GLE1: variants seen among roughly 807,000 people sequenced by gnomAD.
The protein encoded by GLE1 is GLE1 RNA export mediator.
In GLE1, 78 loss-of-function variants were observed where a neutral mutation model predicts 97.3. The observed-to-expected ratio is 0.80, with a 90% CI of 0.67 to 0.97. The LOEUF is 0.97. Ranked by LOEUF, GLE1 falls within the 50% of genes least tolerant of loss-of-function variation. The pLI is 0.00. For missense variants in GLE1, 753 were observed against 857.5 expected (o/e 0.88, Z 1.52); for synonymous variants, 302 against 313.4 (o/e 0.96, Z 0.39).
intron 3 of GLE1, among the ~76,000 whole-genome samples, chr9:128,516,535 G>A (rs947444083): frequency 4.6e-5 from 7 of 151,006 alleles, no homozygotes; most frequent in African/African-American, 9.7e-5. Flanking sequence ...TAGCCAGGAC[G>A]GTCTTGATCT....
At position 128,514,430 on chromosome 9, in the gene GLE1, T is replaced by TAGGA. The variant is rs1392337879; in HGVS notation, c.322-1098_322-1095dup. On this transcript the variant is annotated intron_variant, in intron 2 of 15. Coordinates refer to ENST00000309971, the MANE Select transcript of GLE1 (RefSeq NM_001003722.2). ...TCATTCCTCAAGTCCATACTGGGTG[T>TAGGA]AGGAGGATAGCAGACTTTTTTTTTT... is the stretch of plus-strand genomic sequence containing the variant. Among the ~76,000 whole-genome samples, 9 of 149,896 alleles carry TAGGA rather than the reference T, an allele frequency of 6.0e-5. No individual in the cohort carries two copies. In the East Asian group the frequency reaches 1.8e-3, roughly 29 times the overall value.
chr9:128,531,693 G>A (rs934316125), intron 9 of GLE1, among the ~76,000 whole-genome samples: 8 of 151,716 alleles, frequency 5.3e-5, no homozygotes, highest in East Asian at 3.9e-4. Flanking sequence ...TTAGCCGGGC[G>A]TGGTGGCACA....
At chr9:128,519,086 C>G (rs1847066093) in intron 3 of GLE1, among the ~76,000 whole-genome samples, 1 of 152,102 alleles carries the variant, frequency 6.6e-6, no homozygotes, top group African/African-American at 2.4e-5. Flanking sequence ...TAATCAATAC[C>G]CTTGTGATTT....
At chr9:128,518,964 C>G (rs1847062578) in intron 3 of GLE1, among the ~76,000 whole-genome samples, 1 of 151,878 alleles carries the variant, frequency 6.6e-6, no homozygotes, top group Non-Finnish European at 1.5e-5. Context: ...GTGAAGATTT[C>G]ATGGACATTT....
intron 13 of GLE1, 131 bp from the exon 14 acceptor site, chr9:128,539,485 C>A: frequency 1.3e-6 from 1 of 744,404 alleles, no homozygotes; most frequent in Non-Finnish European, 2.4e-6. Context: ...CCCTTGTTAG[C>A]AAGTTCAGTG....
At chr9:128,530,409 C>G (rs1193210364) in intron 9 of GLE1, among the ~76,000 whole-genome samples, 1 of 152,188 alleles carries the variant, frequency 6.6e-6, no homozygotes, top group Admixed American at 6.5e-5. Flanking sequence ...TTTATGACTG[C>G]TGCCTCTCTT....
intron 6 of GLE1, among the ~76,000 whole-genome samples, chr9:128,524,374 C>T (rs750901680): frequency 1.5e-4 from 23 of 151,696 alleles, no homozygotes; most frequent in Non-Finnish European, 3.1e-4. Flanking sequence ...GCCACGGTGC[C>T]AAACTTTTTT....
chr9:128,522,321 G>A lies in GLE1; in HGVS notation c.433-347G>A, dbSNP rs551161178. Reference sequence around the variant, plus strand: ...GGCCGATGGGCAGGTAGCCCGCAGGGGTAAATGATCAAGGTGTTGAAGGCG... The same window carrying A: ...GGCCGATGGGCAGGTAGCCCGCAGGAGTAAATGATCAAGGTGTTGAAGGCG... On this transcript the variant is annotated intron_variant, in intron 3 of 15. Coordinates refer to ENST00000309971, the MANE Select transcript of GLE1 (RefSeq NM_001003722.2). Among the ~76,000 whole-genome samples, 24 of 152,284 alleles carry A rather than the reference G, an allele frequency of 1.6e-4. No homozygotes were observed. The South Asian group carries it at 4.4e-3, about 28-fold the overall frequency.
intron 14 of GLE1, 91 bp downstream of exon 14, chr9:128,539,789 T>C: frequency 6.2e-7 from 1 of 1,605,324 alleles, no homozygotes; most frequent in Non-Finnish European, 8.5e-7. Context: ...CTGGTTTTGA[T>C]TCAAGTTAAA....
chr9:128,517,743 C>A (rs117995160), intron 3 of GLE1, among the ~76,000 whole-genome samples: 2,495 of 152,092 alleles, frequency 0.016, 28 homozygotes, highest in Middle Eastern at 0.024. Flanking sequence ...ATATTTTATT[C>A]TCCACCTGTT....
chr9:128,525,943 G>T (rs1847288648), intron 7 of GLE1, among the ~76,000 whole-genome samples: 1 of 152,086 alleles, frequency 6.6e-6, no homozygotes, highest in Non-Finnish European at 1.5e-5. Context: ...AAAAGAATCA[G>T]TGTACCATAG....
chr9:128,518,846 C>T (rs1264002878), intron 3 of GLE1, among the ~76,000 whole-genome samples: 4 of 144,602 alleles, frequency 2.8e-5, no homozygotes, highest in East Asian at 2.0e-4. Flanking sequence ...CCAGCCTGGG[C>T]GACAGAGCGA....
rs185873580 is a variant in GLE1 at position 128,511,345 on chromosome 9, T to C, written c.321+2248T>C. On this transcript the variant is annotated intron_variant, in intron 2 of 15. Coordinates refer to ENST00000309971, the MANE Select transcript of GLE1 (RefSeq NM_001003722.2). ...CAGAAAAGGTCTAGGTACTTTAAAA[T>C]ATATATTTTTAGCAACTGAACGTCT... Among the ~76,000 whole-genome samples the C allele has an allele frequency of 1.1e-4, 17 of 150,926 alleles. No individual in the cohort carries two copies. In the East Asian group the frequency reaches 3.3e-3, roughly 29 times the overall value.
intron 7 of GLE1, 138 bp from the exon 8 acceptor site, chr9:128,527,038 GATA>G: frequency 1.5e-6 from 1 of 674,862 alleles, no homozygotes; most frequent in Non-Finnish European, 2.7e-6. Context: ...ATAAAATGGA[GATA>G]ATAATAGTAT....
Position 128,533,908 on chromosome 9 carries a change from T to A in GLE1, c.1603T>A (p.Tyr535Asn). 2 of 1,613,516 alleles carry A rather than the reference T, an allele frequency of 1.2e-6. No homozygotes were observed. Among genetic ancestry groups the A allele is most frequent in the Non-Finnish European group, 1.7e-6 (2 of 1,179,430 alleles). The part of the protein sequence containing the change: ...HKKCPYSVPF[Y>N]PTFKEGMALE... ...GAAGTGTCCTTACTCTGTTCCTTTC[T>A]ATCCCACTTTCAAGGAGGGAATGGC... is the stretch of plus-strand genomic sequence containing the variant. Residue 535 changes from tyrosine (Y) to asparagine (N), a missense_variant, in exon 11 of 16, where the codon TAT becomes AAT. Coordinates refer to ENST00000309971, the MANE Select transcript of GLE1 (RefSeq NM_001003722.2).
At chr9:128,508,184 A>AGATAAGT (rs1589040269) in intron 1 of GLE1, among the ~76,000 whole-genome samples, 2 of 151,042 alleles carry the variant, frequency 1.3e-5, no homozygotes, top group African/African-American at 2.4e-5. Context: ...CCATCTCAAA[A>AGATAAGT]AAAAAAAAAA....
intron 2 of GLE1, among the ~76,000 whole-genome samples, chr9:128,514,902 C>T (rs530265381): frequency 5.2e-4 from 79 of 152,128 alleles, no homozygotes; most frequent in Non-Finnish European, 9.0e-4. Flanking sequence ...CTACAGCCTC[C>T]GCCTCCTGGG....
At chr9:128,532,609 C>A (rs1157224804) in intron 9 of GLE1, 1 of 455,892 alleles carries the variant, frequency 2.2e-6, no homozygotes, top group Non-Finnish European at 2.9e-6. Context: ...AACTTTAGTT[C>A]TTTTTTCCTC....
intron 15 of GLE1, 24 bp downstream of exon 15, chr9:128,540,362 GC>G: frequency 1.3e-6 from 2 of 1,490,480 alleles, no homozygotes; most frequent in African/African-American, 1.4e-5. Flanking sequence ...AGACCAACAT[GC>G]CCCACACTGT....
Sources: gnomAD v4.1 joint callset for allele counts (sites outside exome capture counted in the v4.1 genomes callset) on GRCh38, gnomAD v4.1.1 for gene constraint, MANE v1.5 for transcripts, NCBI Gene and HGNC (gene_info 2026-07-23, HGNC 2026-07-21) for gene names.